GRID2: variants seen among roughly 807,000 people sequenced by gnomAD.
GRID2 encodes the protein glutamate receptor ionotropic, delta-2.
GRID2 carries 33 observed loss-of-function variants against 114.8 expected under a neutral mutation model. The ratio of observed to expected loss-of-function variants is 0.29; its 90% CI spans 0.22 to 0.38. The LOEUF (loss-of-function observed/expected upper bound fraction) is 0.38. Among genes scored for constraint, GRID2 ranks in the 10% least tolerant of loss-of-function variants. GRID2 has a pLI of 1.00. For missense variants in GRID2, 1,184 were observed against 1,257.7 expected (o/e 0.94, Z 0.89); for synonymous variants, 505 against 449.9 (o/e 1.12, Z -1.55).
chr4:93,095,108 CT>C (rs1560872866), intron 3 of GRID2, among the ~76,000 whole-genome samples: 1 of 151,830 alleles, frequency 6.6e-6, no homozygotes, highest in Non-Finnish European at 1.5e-5. Context: ...TGATAAAACA[CT>C]AGCAAGACCA....
chr4:92,899,241 T>A (rs1422800133), intron 2 of GRID2, among the ~76,000 whole-genome samples: 1 of 152,168 alleles, frequency 6.6e-6, no homozygotes, highest in Non-Finnish European at 1.5e-5. Context: ...ATTTTTCTTG[T>A]ATGTTTGTAA....
At chr4:93,239,519 C>T (rs370796427) in intron 8 of GRID2, among the ~76,000 whole-genome samples, 1 of 151,254 alleles carries the variant, frequency 6.6e-6, no homozygotes, top group East Asian at 1.9e-4. Context: ...ACAACCTAGA[C>T]AAAATGAAGT....
intron 4 of GRID2, among the ~76,000 whole-genome samples, chr4:93,197,545 T>C (rs190353149): frequency 2.5e-4 from 38 of 152,312 alleles, no homozygotes; most frequent in Admixed American, 1.0e-3. Flanking sequence ...GTAAATAGCA[T>C]TCAATAAGCA....
At chr4:92,562,691 C>A (rs1379417496) in intron 1 of GRID2, among the ~76,000 whole-genome samples, 3 of 152,082 alleles carry the variant, frequency 2.0e-5, no homozygotes, top group Non-Finnish European at 4.4e-5. Context: ...TGAGAAGAAC[C>A]TGGGCTTTGG....
intron 9 of GRID2, among the ~76,000 whole-genome samples, chr4:93,404,074 C>T (rs957676653): frequency 2.0e-5 from 3 of 152,066 alleles, no homozygotes; most frequent in Non-Finnish European, 4.4e-5. Context: ...TAACAGTGTG[C>T]AGCATGGATG....
rs182973144 is a variant in GRID2 at position 92,667,485 on chromosome 4, T to A, written c.244+77199T>A. On this transcript the variant is annotated intron_variant, in intron 2 of 15. Transcript: ENST00000282020. ...ATTAGAAGATACACATTATTTTTAA[T>A]TTAAAGATAATGACTACATTTACTA... 3.1e-3 allele frequency among the ~76,000 whole-genome samples: 413 copies of A among 133,980 alleles called. 1 individual carries two copies. Among genetic ancestry groups the A allele is most frequent in the African/African-American group, 0.01 (394 of 37,758 alleles). 87.9% of individuals were successfully genotyped at this position (133,980 alleles called of 152,430 possible).
chr4:92,778,181 C>A (rs755839330), intron 2 of GRID2, among the ~76,000 whole-genome samples: 7 of 152,068 alleles, frequency 4.6e-5, no homozygotes, highest in South Asian at 2.1e-4. Flanking sequence ...TCAATGAGAA[C>A]TTTTTCAACA....
chr4:93,016,059 G>A (rs910512166), intron 2 of GRID2, among the ~76,000 whole-genome samples: 11 of 114,798 alleles, frequency 9.6e-5, no homozygotes, highest in Non-Finnish European at 2.0e-4. Context: ...AAGTGTGTGT[G>A]TGAGTGTGTG....
At chr4:93,608,623 C>A (rs1740585510) in intron 13 of GRID2, among the ~76,000 whole-genome samples, 1 of 140,268 alleles carries the variant, frequency 7.1e-6, no homozygotes, top group Non-Finnish European at 1.6e-5. Flanking sequence ...CATCCATGTC[C>A]CTACAAAGGA....
chr4:92,505,606 G>A (rs759204927), intron 1 of GRID2, among the ~76,000 whole-genome samples: 2 of 151,918 alleles, frequency 1.3e-5, no homozygotes, highest in Non-Finnish European at 2.9e-5. Context: ...CAGTATGTTA[G>A]GGGAGTGGAG....
chr4:93,566,220 G>T (rs1030641774), intron 13 of GRID2, among the ~76,000 whole-genome samples: 7 of 152,172 alleles, frequency 4.6e-5, no homozygotes, highest in African/African-American at 1.4e-4. Flanking sequence ...AATGATTGAT[G>T]CACGCAATGT....
chr4:93,776,649 C>A (rs1251624599), downstream of GRID2, among the ~76,000 whole-genome samples: 1 of 152,122 alleles, frequency 6.6e-6, no homozygotes, highest in East Asian at 1.9e-4. Context: ...ACTGACTGGA[C>A]CAATTCATCT....
At chr4:92,655,492 T>C (rs1318589775) in intron 2 of GRID2, among the ~76,000 whole-genome samples, 1 of 151,912 alleles carries the variant, frequency 6.6e-6, no homozygotes, top group African/African-American at 2.4e-5. Context: ...TCATTTTAAT[T>C]ATTTTGATCT....
intron 14 of GRID2, among the ~76,000 whole-genome samples, chr4:93,708,514 T>A (rs976266772): frequency 6.6e-6 from 1 of 152,032 alleles, no homozygotes; most frequent in Non-Finnish European, 1.5e-5. Flanking sequence ...CCCATCTGCA[T>A]GGAGTATATT....
At chr4:92,599,954 G>T (rs1477532098) in intron 2 of GRID2, among the ~76,000 whole-genome samples, 1 of 149,908 alleles carries the variant, frequency 6.7e-6, no homozygotes, top group Non-Finnish European at 1.5e-5. Context: ...GAACCTGGGA[G>T]GTGGACATTG....
chr4:92,976,218 T>C (rs866397713), intron 2 of GRID2, among the ~76,000 whole-genome samples: 1 of 152,144 alleles, frequency 6.6e-6, no homozygotes, highest in Middle Eastern at 3.2e-3. Context: ...ATAGCTAATC[T>C]TGTTATAGTA....
chr4:93,193,760 A>G (rs1360303685), intron 4 of GRID2, among the ~76,000 whole-genome samples: 1 of 152,204 alleles, frequency 6.6e-6, no homozygotes, highest in Non-Finnish European at 1.5e-5. Flanking sequence ...TTATTTCAGT[A>G]AACTATGATA....
At chr4:92,593,319 C>G (rs1158314265) in intron 2 of GRID2, among the ~76,000 whole-genome samples, 1 of 151,838 alleles carries the variant, frequency 6.6e-6, no homozygotes, top group Non-Finnish European at 1.5e-5. Context: ...TTAGAATTTC[C>G]TCTAATCAGC....
At chr4:92,770,731 G>A (rs1052185885) in intron 2 of GRID2, among the ~76,000 whole-genome samples, 21 of 151,968 alleles carry the variant, frequency 1.4e-4, no homozygotes, top group African/African-American at 3.6e-4. Context: ...TCACTATCAC[G>A]AGAAAAGCGC....
Sources: gnomAD v4.1 joint callset for allele counts (sites outside exome capture counted in the v4.1 genomes callset) on GRCh38, gnomAD v4.1.1 for gene constraint, MANE v1.5 for transcripts, NCBI Gene and HGNC (gene_info 2026-07-23, HGNC 2026-07-21) for gene names.